Variants in EYS observed in about 807,000 individuals in gnomAD.
EYS encodes the protein EGF-like photoreceptor maintenance factor, also known as protein eyes shut homolog.
Under a neutral mutation model 282.1 loss-of-function variants are expected in EYS, and 250 were observed. That is an observed-to-expected ratio of 0.89 (90% CI 0.80 to 0.98). EYS has a LOEUF of 0.98. Ranked by LOEUF, EYS falls within the 50% of genes least tolerant of loss-of-function variation. The pLI is 0.00. For synonymous variants in EYS, 1,355 were observed against 1,282.9 expected (o/e 1.06, Z -1.20); for missense variants, 4,016 against 3,709.0 (o/e 1.08, Z -2.15).
intron 11 of EYS, among the ~76,000 whole-genome samples, chr6:65,298,537 A>G (rs1475695711): frequency 6.6e-6 from 1 of 151,802 alleles, no homozygotes; most frequent in Non-Finnish European, 1.5e-5. Flanking sequence ...TCCTCAAGAG[A>G]ATACTTTTTC....
rs1011570729 is a variant in EYS at position 64,719,720 on chromosome 6, C to G, written c.3444-93475G>C. On this transcript the variant is annotated intron_variant, in intron 22 of 42. Coordinates refer to ENST00000503581, the MANE Select transcript of EYS (RefSeq NM_001142800.2). ...AGGAGTTCTCCACCAGCCTGGCCAA[C>G]GTGGGAAAACCCCGTCTCTACTAAA... Among the ~76,000 whole-genome samples, 3 of 152,062 alleles carry G rather than the reference C, an allele frequency of 2.0e-5. No individual in the cohort carries two copies. In the South Asian group the frequency reaches 6.2e-4, roughly 31 times the overall value.
At chr6:64,179,016 A>G (rs567767576) in intron 31 of EYS, among the ~76,000 whole-genome samples, 4 of 152,134 alleles carry the variant, frequency 2.6e-5, no homozygotes, top group Admixed American at 6.6e-5. Flanking sequence ...ATTACTAGAC[A>G]TCTCCTTGGC....
At chr6:65,249,996 G>A (rs181355149) in intron 12 of EYS, among the ~76,000 whole-genome samples, 3 of 152,044 alleles carry the variant, frequency 2.0e-5, no homozygotes, top group Non-Finnish European at 4.4e-5. Context: ...AGAGGTTCAA[G>A]CATTGGGCCC....
chr6:65,549,260 G>A (rs981807199), intron 2 of EYS, among the ~76,000 whole-genome samples: 2 of 152,180 alleles, frequency 1.3e-5, no homozygotes, highest in African/African-American at 2.4e-5. Flanking sequence ...AGCAGGCAAT[G>A]TATTAACTAA....
intron 11 of EYS, among the ~76,000 whole-genome samples, chr6:65,318,021 C>T (rs2150303288): frequency 6.7e-6 from 1 of 150,244 alleles, no homozygotes; most frequent in East Asian, 2.0e-4. Context: ...GCGCCCGCCA[C>T]CACGCCCAGC....
chr6:64,931,552 T>C (rs977369320), intron 15 of EYS, among the ~76,000 whole-genome samples: 15 of 152,218 alleles, frequency 9.9e-5, no homozygotes, highest in Admixed American at 8.5e-4. Flanking sequence ...AAAATGGAAT[T>C]AGTTGATATC....
chr6:65,133,219 T>TTGAAA (rs1775929946), intron 12 of EYS, among the ~76,000 whole-genome samples: 1 of 151,676 alleles, frequency 6.6e-6, no homozygotes, highest in African/African-American at 2.4e-5. Context: ...AGTTTACAAC[T>TTGAAA]CATTTGAAAC....
intron 36 of EYS, among the ~76,000 whole-genome samples, chr6:63,849,115 T>C (rs930342397): frequency 1.3e-5 from 2 of 152,198 alleles, no homozygotes; most frequent in African/African-American, 4.8e-5. Context: ...ACAAAGCCAC[T>C]GTAGCCAGAC....
At chr6:65,229,366 A>G (rs1198721908) in intron 12 of EYS, among the ~76,000 whole-genome samples, 2 of 151,992 alleles carry the variant, frequency 1.3e-5, no homozygotes, top group Non-Finnish European at 2.9e-5. Flanking sequence ...GAGACAGCAT[A>G]GCAAGGATGT....
intron 22 of EYS, among the ~76,000 whole-genome samples, chr6:64,635,888 A>C (rs1767959956): frequency 6.6e-6 from 1 of 152,170 alleles, no homozygotes; most frequent in South Asian, 2.1e-4. Context: ...GAATAGTTTC[A>C]GAAGGAATGG....
intron 15 of EYS, among the ~76,000 whole-genome samples, chr6:64,945,376 A>C (rs12196494): frequency 6.6e-6 from 1 of 151,918 alleles, no homozygotes; most frequent in Non-Finnish European, 1.5e-5. Flanking sequence ...TATATCAAAA[A>C]TTTTACTAAA....
chr6:64,684,017 A>G (rs1228532902), intron 22 of EYS, among the ~76,000 whole-genome samples: 1 of 152,174 alleles, frequency 6.6e-6, no homozygotes, highest in East Asian at 1.9e-4. Context: ...GTCTTTGTTC[A>G]ATAAACCTGT....
chr6:64,551,184 A>ATATG (rs1562056658), intron 26 of EYS, among the ~76,000 whole-genome samples: 2 of 149,392 alleles, frequency 1.3e-5, no homozygotes, highest in African/African-American at 4.9e-5. Context: ...ATATACACAC[A>ATATG]TATATACATA....
At chr6:65,214,220 G>A (rs1415083529) in intron 12 of EYS, among the ~76,000 whole-genome samples, 5 of 144,380 alleles carry the variant, frequency 3.5e-5, no homozygotes, top group African/African-American at 1.3e-4. Flanking sequence ...GAAAAAGTTA[G>A]GCCTCTTGTA....
chr6:65,460,918 G>A (rs1014848244), intron 5 of EYS, among the ~76,000 whole-genome samples: 3 of 151,988 alleles, frequency 2.0e-5, no homozygotes, highest in African/African-American at 7.2e-5. Flanking sequence ...TCTAAATAAG[G>A]AAGTTTACTA....
At chr6:64,031,639 T>G (rs1192976091) in intron 33 of EYS, among the ~76,000 whole-genome samples, 1 of 152,148 alleles carries the variant, frequency 6.6e-6, no homozygotes, top group African/African-American at 2.4e-5. Flanking sequence ...GGATTGTAAA[T>G]GCACCAATCA....
chr6:65,026,863 G>C (rs1445294000), intron 13 of EYS, among the ~76,000 whole-genome samples: 1 of 150,866 alleles, frequency 6.6e-6, no homozygotes, highest in Admixed American at 6.7e-5. Flanking sequence ...GTTGCAGTGA[G>C]CCAAGATCGT....
rs182129116 is a variant in EYS, at chr6:64,876,487, G to T, written c.2992+10210C>A. Among the ~76,000 whole-genome samples, 70 of 152,136 alleles carry T rather than the reference G, an allele frequency of 4.6e-4. No individual in the cohort carries two copies. The East Asian group carries it at 0.012, about 27-fold the overall frequency. ...ATATGATTTTATTTTAAAAATTTTT[G>T]TGTGCCTTTAATGTCCTAGGCACTC... On this transcript the variant is annotated intron_variant, in intron 19 of 42. Transcript: ENST00000503581.
At chr6:63,849,489 G>C (rs1772185708) in intron 36 of EYS, among the ~76,000 whole-genome samples, 1 of 151,976 alleles carries the variant, frequency 6.6e-6, no homozygotes, top group South Asian at 2.1e-4. Context: ...TCTGGAAGAA[G>C]CTTTACTATT....
Sources: allele counts gnomAD v4.1 joint callset (sites outside exome capture counted in the v4.1 genomes callset), GRCh38; gene constraint gnomAD v4.1.1; transcripts MANE v1.5; gene names NCBI Gene and HGNC (gene_info 2026-07-23, HGNC 2026-07-21).